Variants in SRGAP2 observed in about 807,000 individuals in gnomAD.
SRGAP2 encodes the protein SLIT-ROBO Rho GTPase-activating protein 2.
SRGAP2 carries 15 observed loss-of-function variants against 57.2 expected under a neutral mutation model. The ratio of observed to expected loss-of-function variants is 0.26; its 90% CI spans 0.18 to 0.40. SRGAP2 has a LOEUF of 0.40. Among genes scored for constraint, SRGAP2 ranks in the 10% least tolerant of loss-of-function variants. The pLI, the probability that SRGAP2 is intolerant of heterozygous loss-of-function variation, is 1.00. For synonymous variants in SRGAP2, 249 were observed against 248.0 expected (o/e 1.00, Z -0.04); for missense variants, 520 against 669.6 (o/e 0.78, Z 2.47).
At chr1:206,414,368 C>T (rs897649388) in intron 10 of SRGAP2, among the ~76,000 whole-genome samples, 6 of 152,098 alleles carry the variant, frequency 3.9e-5, no homozygotes, top group Non-Finnish European at 8.8e-5. Context: ...CACTCTTAAT[C>T]CTAAGTGGCA....
At chr1:206,391,615 GCACACACACACA>G (rs201726708) in intron 5 of SRGAP2, among the ~76,000 whole-genome samples, 2 of 115,478 alleles carry the variant, frequency 1.7e-5, no homozygotes, top group African/African-American at 3.8e-5. Flanking sequence ...ACACACACAT[GCACACACACACA>G]CACACACACA....
intron 13 of SRGAP2, among the ~76,000 whole-genome samples, chr1:206,426,991 TTGCTTTTGTTGCCTA>T (rs1441321268): frequency 9.9e-5 from 15 of 152,204 alleles, no homozygotes; most frequent in African/African-American, 3.1e-4. Flanking sequence ...TTGTCTGTTT[TTGCTTTTGTTGCCTA>T]TGCTTTTGAG....
chr1:206,433,277 G>A (rs1428278658), intron 14 of SRGAP2, among the ~76,000 whole-genome samples: 2 of 152,170 alleles, frequency 1.3e-5, no homozygotes, highest in Non-Finnish European at 2.9e-5. Context: ...ATGGTAAGGA[G>A]TGGCATTTCT....
intron 2 of SRGAP2, among the ~76,000 whole-genome samples, chr1:206,249,127 C>A (rs558636323): frequency 4.0e-5 from 6 of 151,230 alleles, no homozygotes; most frequent in Non-Finnish European, 7.4e-5. Context: ...CATGCTTGAC[C>A]CTGTCCTGTC....
chr1:206,409,509 T>C (rs1553358552), intron 10 of SRGAP2, among the ~76,000 whole-genome samples: 3 of 151,956 alleles, frequency 2.0e-5, no homozygotes, highest in South Asian at 2.1e-4. Flanking sequence ...AGGCCAGATA[T>C]GGCGGCTCAT....
chr1:206,308,074 T>C (rs1672368355), intron 3 of SRGAP2, among the ~76,000 whole-genome samples: 1 of 137,908 alleles, frequency 7.3e-6, no homozygotes, highest in African/African-American at 2.7e-5. Context: ...TTTCTCCAAG[T>C]TTAGAAGAAT....
chr1:206,309,199 G>A (rs1163912620), intron 3 of SRGAP2, among the ~76,000 whole-genome samples: 31 of 150,228 alleles, frequency 2.1e-4, no homozygotes, highest in African/African-American at 6.9e-4. Context: ...CTGGTTAACA[G>A]GGAAAAGAGC....
At position 206,436,955 on chromosome 1, in the gene SRGAP2, G is replaced by A. The variant is rs959701494; in HGVS notation, c.1556-10G>A. On this transcript the variant is annotated splice_polypyrimidine_tract_variant and intron_variant, in intron 14 of 22. Coordinates refer to ENST00000573034, the MANE Select transcript of SRGAP2 (RefSeq NM_015326.5). ...TTCTTCTTCTTGATCACTTTTCTGT[G>A]TATTTCCAGGACTACAGCATGAAGG... The A allele has an allele frequency of 2.6e-6, 2 of 780,698 alleles. No homozygotes were observed. The highest frequency in any genetic ancestry group is 4.8e-6 in the Non-Finnish European group (2 of 417,824). The allele number at this position is 780,698 out of a possible 1,614,324, so 48.4% of individuals were successfully genotyped here.
chr1:206,305,903 C>A (rs1672166189), intron 3 of SRGAP2, among the ~76,000 whole-genome samples: 1 of 151,820 alleles, frequency 6.6e-6, no homozygotes, highest in Non-Finnish European at 1.5e-5. Context: ...TTATCTTTCC[C>A]AAGTCTTATT....
intron 2 of SRGAP2, among the ~76,000 whole-genome samples, chr1:206,298,897 C>A (rs1671730006): frequency 6.6e-6 from 1 of 151,976 alleles, no homozygotes; most frequent in Admixed American, 6.6e-5. Flanking sequence ...ATATTTAAAG[C>A]AGAAACAATA....
intron 3 of SRGAP2, among the ~76,000 whole-genome samples, chr1:206,304,286 C>T (rs1672060242): frequency 7.1e-6 from 1 of 140,658 alleles, no homozygotes; most frequent in Non-Finnish European, 1.5e-5. Context: ...AATCTGGGCC[C>T]CACTCCAGAC....
intron 13 of SRGAP2, among the ~76,000 whole-genome samples, chr1:206,423,625 A>G (rs928450210): frequency 1.3e-5 from 2 of 152,140 alleles, no homozygotes; most frequent in Non-Finnish European, 2.9e-5. Context: ...CTCACATATA[A>G]TCTGTTGTCA....
At chr1:206,238,664 G>C (rs1460297849) in intron 2 of SRGAP2, among the ~76,000 whole-genome samples, 1 of 143,776 alleles carries the variant, frequency 7.0e-6, no homozygotes, top group African/African-American at 2.6e-5. Context: ...CTTACTTTTG[G>C]CTTTCTGGGA....
chr1:206,430,275 C>T (rs1553367943), intron 14 of SRGAP2, 53 bp downstream of exon 14: 9 of 778,770 alleles, frequency 1.2e-5, no homozygotes, highest in Non-Finnish European at 1.7e-5. Context: ...GGAAGAACTT[C>T]CAGGAATTCT....
At chr1:206,292,616 C>A (rs1671390443) in intron 2 of SRGAP2, among the ~76,000 whole-genome samples, 1 of 148,404 alleles carries the variant, frequency 6.7e-6, no homozygotes, top group Non-Finnish European at 1.5e-5. Context: ...GTTATTGACA[C>A]TTTTGTACAT....
intron 5 of SRGAP2, among the ~76,000 whole-genome samples, chr1:206,391,401 T>A (rs1260085941): frequency 9.4e-6 from 1 of 106,592 alleles, no homozygotes; most frequent in Non-Finnish European, 1.8e-5. Flanking sequence ...GATTCCACCA[T>A]TTACTCATTG....
chr1:206,425,434 T>G, intron 13 of SRGAP2, among the ~76,000 whole-genome samples: 1 of 152,348 alleles, frequency 6.6e-6, no homozygotes, highest in Admixed American at 6.5e-5. Flanking sequence ...TAAATTATTA[T>G]TAACTATTAT....
At chr1:206,361,299 AG>A (rs1174969991) in intron 4 of SRGAP2, among the ~76,000 whole-genome samples, 4 of 148,504 alleles carry the variant, frequency 2.7e-5, no homozygotes, top group African/African-American at 1.0e-4. Flanking sequence ...AATAAGGAGA[AG>A]GAATATAACA....
chr1:206,358,020 C>T (rs1187509392), intron 4 of SRGAP2, among the ~76,000 whole-genome samples: 2 of 147,202 alleles, frequency 1.4e-5, no homozygotes, highest in African/African-American at 5.0e-5. Context: ...TTGGAAATAC[C>T]CTACTTCCAT....
Sources: allele counts gnomAD v4.1 joint callset (sites outside exome capture counted in the v4.1 genomes callset), GRCh38; gene constraint gnomAD v4.1.1; transcripts MANE v1.5; gene names NCBI Gene and HGNC (gene_info 2026-07-23, HGNC 2026-07-21).